ESRRG: variants seen among roughly 807,000 people sequenced by gnomAD.
ESRRG encodes the protein estrogen related receptor gamma.
A neutral mutation model predicts 44.0 loss-of-function variants in ESRRG; 13 were observed. The observed-to-expected ratio is 0.30, with a 90% CI of 0.19 to 0.47. The LOEUF (loss-of-function observed/expected upper bound fraction) is 0.47, where lower values mean the gene tolerates loss of function less well. Among genes scored for constraint, ESRRG ranks in the 20% least tolerant of loss-of-function variants. The pLI is 1.00. For missense variants in ESRRG, 395 were observed against 580.6 expected (o/e 0.68, Z 3.29); for synonymous variants, 215 against 214.6 (o/e 1.00, Z -0.02).
intron 1 of ESRRG, among the ~76,000 whole-genome samples, chr1:216,949,226 T>G (rs1363868251): frequency 6.6e-6 from 1 of 152,192 alleles, no homozygotes; most frequent in African/African-American, 2.4e-5. Flanking sequence ...TCCTGGTGAT[T>G]CCCTCATTCT....
chr1:216,749,209 C>T (rs988008928), intron 2 of ESRRG, among the ~76,000 whole-genome samples: 1 of 151,698 alleles, frequency 6.6e-6, no homozygotes, highest in Admixed American at 6.6e-5. Flanking sequence ...CTGTGGCAAA[C>T]TGCTGTTCAG....
At chr1:216,735,969 C>T (rs1484343299) in intron 2 of ESRRG, among the ~76,000 whole-genome samples, 1 of 92,822 alleles carries the variant, frequency 1.1e-5, no homozygotes, top group Non-Finnish European at 2.2e-5. Flanking sequence ...CAGAGCAATA[C>T]TCCCCATCTC....
intron 2 of ESRRG, among the ~76,000 whole-genome samples, chr1:216,882,972 T>C (rs905666957): frequency 6.6e-6 from 1 of 152,080 alleles, no homozygotes; most frequent in Admixed American, 6.5e-5. Context: ...TAAGTCTATA[T>C]TGACCGAAAT....
chr1:216,779,428 T>TTATTTATAAAAATAAATATTTATAAATA (rs2093797482), intron 2 of ESRRG, among the ~76,000 whole-genome samples: 3 of 21,674 alleles, frequency 1.4e-4, no homozygotes, highest in African/African-American at 6.4e-4. Context: ...ATTTATAAAT[T>TTATTTATAAAAATAAATATTTATAAATA]TATTTATAAA....
chr1:217,018,255 T>A (rs929637237), intron 1 of ESRRG, among the ~76,000 whole-genome samples: 1 of 152,084 alleles, frequency 6.6e-6, no homozygotes, highest in East Asian at 1.9e-4. Context: ...CTTTTAATAC[T>A]CTCCAGTCTC....
At chr1:217,099,785 C>A (rs560303737) in intron 1 of ESRRG, among the ~76,000 whole-genome samples, 1 of 152,138 alleles carries the variant, frequency 6.6e-6, no homozygotes, top group Non-Finnish European at 1.5e-5. Context: ...TGCTTTGCAT[C>A]CAGGTGGAGC....
At chr1:216,659,047 G>A (rs1330919853) in intron 2 of ESRRG, among the ~76,000 whole-genome samples, 1 of 152,036 alleles carries the variant, frequency 6.6e-6, no homozygotes, top group East Asian at 1.9e-4. Context: ...TACAAAAGAG[G>A]AATAATCATA....
At chr1:217,085,807 A>C (rs1274282186) in intron 1 of ESRRG, among the ~76,000 whole-genome samples, 4 of 151,892 alleles carry the variant, frequency 2.6e-5, no homozygotes, top group Non-Finnish European at 4.4e-5. Flanking sequence ...AAGATCTTTA[A>C]ACTCTCCTAC....
At chr1:216,813,571 A>G (rs1478793599) in intron 2 of ESRRG, among the ~76,000 whole-genome samples, 1 of 152,184 alleles carries the variant, frequency 6.6e-6, no homozygotes, top group Non-Finnish European at 1.5e-5. Flanking sequence ...TTGAAGCCAG[A>G]AAATTAAGAT....
At chr1:216,715,232 G>C in intron 1 of ESRRG, 1 of 985,306 alleles carries the variant, frequency 1.0e-6, no homozygotes, top group South Asian at 4.7e-5. Context: ...TGACTGATGA[G>C]GCAGGTCTCA....
chr1:216,909,259 A>C (rs890657018), intron 2 of ESRRG, among the ~76,000 whole-genome samples: 7 of 152,222 alleles, frequency 4.6e-5, no homozygotes, highest in Non-Finnish European at 8.8e-5. Flanking sequence ...CTCAATCAAA[A>C]GCACATGCAA....
intron 1 of ESRRG, among the ~76,000 whole-genome samples, chr1:216,972,616 G>C (rs929541483): frequency 1.3e-5 from 2 of 152,152 alleles, no homozygotes; most frequent in Admixed American, 6.6e-5. Flanking sequence ...AGAAGGTATG[G>C]TCTCAGCACT....
At chr1:216,851,033 C>T (rs931427578) in intron 2 of ESRRG, among the ~76,000 whole-genome samples, 3 of 148,776 alleles carry the variant, frequency 2.0e-5, no homozygotes, top group Non-Finnish European at 4.5e-5. Flanking sequence ...GTGTAGACTC[C>T]TTATCTAGTA....
At chr1:216,856,196 T>C (rs1459949482) in intron 2 of ESRRG, among the ~76,000 whole-genome samples, 1 of 151,688 alleles carries the variant, frequency 6.6e-6, no homozygotes, top group Admixed American at 6.6e-5. Context: ...AAATATAGAA[T>C]AGAGTTGATA....
chr1:216,566,734 T>C (rs1406126160), intron 4 of ESRRG, among the ~76,000 whole-genome samples: 1 of 152,212 alleles, frequency 6.6e-6, no homozygotes, highest in African/African-American at 2.4e-5. Context: ...AATGCAGTCC[T>C]CGATTGTATT....
chr1:216,697,578 G>T (rs2080429166), intron 1 of ESRRG, among the ~76,000 whole-genome samples: 1 of 152,192 alleles, frequency 6.6e-6, no homozygotes, highest in East Asian at 1.9e-4. Context: ...GAAGCACAAG[G>T]CATGGTGCTA....
At chr1:217,074,168 C>T (rs1052565424) in intron 1 of ESRRG, among the ~76,000 whole-genome samples, 6 of 151,870 alleles carry the variant, frequency 4.0e-5, no homozygotes, top group African/African-American at 1.5e-4. Context: ...CTGCCTCAGC[C>T]TCCCCAGTAG....
intron 3 of ESRRG, among the ~76,000 whole-genome samples, chr1:216,629,831 C>T (rs1452283093): frequency 1.3e-5 from 2 of 152,150 alleles, no homozygotes; most frequent in African/African-American, 2.4e-5. Flanking sequence ...ATCATACCCA[C>T]AGTCACAGAG....
At chr1:216,764,782 G>A (rs144039672) in intron 2 of ESRRG, among the ~76,000 whole-genome samples, 18 of 152,248 alleles carry the variant, frequency 1.2e-4, no homozygotes, top group East Asian at 1.2e-3. Context: ...CATTCCAGGA[G>A]GGTTGACTTA....
Sources: allele counts gnomAD v4.1 joint callset (sites outside exome capture counted in the v4.1 genomes callset), GRCh38; gene constraint gnomAD v4.1.1; transcripts MANE v1.5; gene names NCBI Gene and HGNC (gene_info 2026-07-23, HGNC 2026-07-21).